Variants in TDRP observed in about 807,000 individuals in gnomAD.
TDRP encodes the protein testis development-related protein.
TDRP carries 12 observed loss-of-function variants against 10.5 expected under a neutral mutation model. The ratio of observed to expected loss-of-function variants is 1.15; its 90% CI spans 0.73 to 1.86. The LOEUF (loss-of-function observed/expected upper bound fraction) is 1.86, where lower values mean the gene tolerates loss of function less well. Among genes scored for constraint, TDRP ranks in the 40% most tolerant of loss-of-function variants. The pLI is 0.00. For synonymous variants in TDRP, 139 were observed against 95.4 expected (o/e 1.46, Z -2.67); for missense variants, 353 against 229.2 (o/e 1.54, Z -3.49).
At chr8:508,144 AAGAG>A (rs560644994) in intron 1 of TDRP, among the ~76,000 whole-genome samples, 1 of 152,342 alleles carries the variant, frequency 6.6e-6, no homozygotes, top group South Asian at 2.1e-4. Flanking sequence ...TGTTGCATCA[AAGAG>A]AGAATGCCAG....
chr8:544,768 G>C lies in TDRP; in HGVS notation c.-11C>G. ...GCCCAGCTTCCACATGGTCAGGCGG[G>C]CTCCGGCGTCCCTCCGTCCGTGCGT... On this transcript the variant is annotated 5_prime_UTR_variant, in exon 1 of 3. Transcript: ENST00000324079. 8.1e-7 allele frequency: 1 copy of C among 1,233,022 alleles called. No individual in the cohort carries two copies. Among genetic ancestry groups the C allele is most frequent in the Non-Finnish European group, 1.0e-6 (1 of 986,342 alleles). The allele number at this position is 1,233,022 out of a possible 1,614,324, so 76.4% of individuals were successfully genotyped here.
At chr8:543,039 G>A (rs983246247) in intron 1 of TDRP, among the ~76,000 whole-genome samples, 2 of 152,156 alleles carry the variant, frequency 1.3e-5, no homozygotes, top group Admixed American at 6.5e-5. Context: ...CAGGCGTGGT[G>A]ACTCACGCCT....
chr8:500,413 C>G (rs960040336), intron 1 of TDRP, among the ~76,000 whole-genome samples: 1 of 152,182 alleles, frequency 6.6e-6, no homozygotes, highest in South Asian at 2.1e-4. Flanking sequence ...CGTCCAGATC[C>G]TGTCCATGAG....
intron 1 of TDRP, among the ~76,000 whole-genome samples, chr8:524,696 G>T (rs546340700): frequency 6.6e-6 from 1 of 152,144 alleles, no homozygotes; most frequent in Non-Finnish European, 1.5e-5. Flanking sequence ...CTCAAAAGTA[G>T]AATTGATGAG....
At chr8:510,716 CT>C (rs1429887197) in intron 1 of TDRP, among the ~76,000 whole-genome samples, 1 of 152,216 alleles carries the variant, frequency 6.6e-6, no homozygotes, top group East Asian at 1.9e-4. Context: ...GCAAACCCAC[CT>C]TATGAGAAAC....
At chr8:527,793 C>T (rs1295213259) in intron 1 of TDRP, among the ~76,000 whole-genome samples, 1 of 152,072 alleles carries the variant, frequency 6.6e-6, no homozygotes, top group Admixed American at 6.6e-5. Context: ...AATCTAAGAC[C>T]TCACACTACG....
intron 1 of TDRP, among the ~76,000 whole-genome samples, chr8:538,483 G>A (rs1802409763): frequency 6.6e-6 from 1 of 152,168 alleles, no homozygotes. Flanking sequence ...CAGGGGCTAA[G>A]CACCGCCTCA....
rs1171733940 is a variant in TDRP, at chr8:490,260, A to G, written c.*2139T>C. 1.3e-5 allele frequency: 2 copies of G among 152,262 alleles called. No homozygotes were observed. The highest frequency in any genetic ancestry group is 2.4e-5 in the African/African-American group (1 of 41,472). The allele number at this position is 152,262 out of a possible 1,614,324, so 9.4% of individuals were successfully genotyped here. A position where few individuals can be genotyped will look rare whatever the true frequency, so the allele number is the denominator to read the frequency against. On this transcript the variant is annotated 3_prime_UTR_variant, in exon 3 of 3. Transcript: ENST00000324079. ...AGTTAATTTAATCAGGCACAGAAGAAAAAATCATTTTTACATTAGTCTTTG... is the reference window on the plus strand; with the variant it reads ...AGTTAATTTAATCAGGCACAGAAGAGAAAATCATTTTTACATTAGTCTTTG...
rs890928038 is a variant in TDRP, at chr8:543,972, GC to G, written c.108+677del. On this transcript the variant is annotated intron_variant, in intron 1 of 2. Coordinates refer to ENST00000324079, the MANE Select transcript of TDRP (RefSeq NM_001384899.1). ...GGAGGGCACGTCTAAGGCACACAGG[GC>G]CCACCTGGGAGCCCTTTCAATTACA... Among the ~76,000 whole-genome samples the G allele has an allele frequency of 3.6e-3, 545 of 151,860 alleles. 5 individuals carry two copies. The highest frequency in any genetic ancestry group is 5.4e-3 in the Non-Finnish European group (364 of 67,938).
Position 491,259 on chromosome 8 carries a change from G to T in TDRP, c.*1140C>A, listed in dbSNP as rs142219802. The stretch of plus-strand genomic sequence containing the variant: ...GTGAGGGGAATGCACAGTGTAACTG[G>T]AGGTTTTATTTTACTTTTAAACAAA... On this transcript the variant is annotated 3_prime_UTR_variant, in exon 3 of 3. Transcript: ENST00000324079. 609 of 180,790 alleles carry T rather than the reference G, an allele frequency of 3.4e-3. 4 individuals carry two copies. Among genetic ancestry groups the T allele is most frequent in the Non-Finnish European group, 5.1e-3 (447 of 87,334 alleles). The allele number at this position is 180,790 out of a possible 1,614,324, so 11.2% of individuals were successfully genotyped here.
chr8:501,959 G>A lies in TDRP; in HGVS notation c.109-7362C>T, dbSNP rs140589592. On this transcript the variant is annotated intron_variant, in intron 1 of 2. Transcript: ENST00000324079. The stretch of plus-strand genomic sequence containing the variant: ...GAACAGTTCTGGACAAAGGCTTAGC[G>A]CTGGCATTCAGTGTCTTAAAGCTGT... 2.2e-4 allele frequency among the ~76,000 whole-genome samples: 33 copies of A among 152,334 alleles called. No homozygotes were observed. In the East Asian group the frequency reaches 4.1e-3, roughly 19 times the overall value.
rs751757466 is a variant in TDRP at position 492,671 on chromosome 8, G to C, written c.286C>G (p.Gln96Glu). 1.9e-6 allele frequency: 3 copies of C among 1,613,784 alleles called. No homozygotes were observed. Among genetic ancestry groups the C allele is most frequent in the South Asian group, 1.1e-5 (1 of 91,022 alleles). Residue 96 changes from glutamine to glutamate, a missense_variant, in exon 3 of 3, where the codon CAG becomes GAG. Coordinates refer to ENST00000324079, the MANE Select transcript of TDRP (RefSeq NM_001384899.1). ...SGFWDNLVLK[Q>E]NIQSKKPDEI... ...TCTGGTTTTTTAGACTGTATATTCT[G>C]TTTTAAAACCAAATTGTCCCAAAAT...
chr8:531,597 C>T (rs574541638), intron 1 of TDRP, among the ~76,000 whole-genome samples: 36 of 152,264 alleles, frequency 2.4e-4, no homozygotes, highest in Non-Finnish European at 4.7e-4. Context: ...AATGAAAAGG[C>T]GTAAGGATGC....
chr8:525,643 A>G (rs1802016013), intron 1 of TDRP, among the ~76,000 whole-genome samples: 1 of 152,192 alleles, frequency 6.6e-6, no homozygotes, highest in Admixed American at 6.5e-5. Flanking sequence ...AATGGGTTAT[A>G]TTATTTGCAA....
rs544655827 is a variant in TDRP at position 500,944 on chromosome 8, C to A, written c.109-6347G>T. 3.0e-3 allele frequency among the ~76,000 whole-genome samples: 464 copies of A among 152,350 alleles called. 1 individual carries two copies. The highest frequency in any genetic ancestry group is 0.011 in the African/African-American group (438 of 41,586). ...TGAGCAGGCCGGGCGCGGTGTCTCA[C>A]ACCTGTAATCCCAGCACTCTGGGAG... On this transcript the variant is annotated intron_variant, in intron 1 of 2. Coordinates refer to ENST00000324079, the MANE Select transcript of TDRP (RefSeq NM_001384899.1).
At chr8:526,184 G>C (rs1317847206) in intron 1 of TDRP, among the ~76,000 whole-genome samples, 1 of 152,108 alleles carries the variant, frequency 6.6e-6, no homozygotes, top group Non-Finnish European at 1.5e-5. Flanking sequence ...TTTTAGTAGA[G>C]ACAGGGTTTC....
intron 1 of TDRP, among the ~76,000 whole-genome samples, chr8:537,627 G>A (rs534650757): frequency 1.3e-4 from 20 of 152,276 alleles, no homozygotes; most frequent in African/African-American, 4.6e-4. Context: ...GTCTTCATTG[G>A]TCTTGTAAAC....
At chr8:510,159 G>A (rs569969300) in intron 1 of TDRP, among the ~76,000 whole-genome samples, 1 of 152,334 alleles carries the variant, frequency 6.6e-6, no homozygotes, top group East Asian at 1.9e-4. Flanking sequence ...AGTTGTGACT[G>A]GGGTTTAAAT....
In TDRP at chr8:492,229, G is replaced by A. The variant is rs1374445478; in HGVS notation, c.*170C>T. ...TACAATCCCTGCACGTGTTCACCAA[G>A]GAGTCACAGTGTGTGTGAGAGTTCA... On this transcript the variant is annotated 3_prime_UTR_variant, in exon 3 of 3. Transcript: ENST00000324079. 7.8e-7 allele frequency: 1 copy of A among 1,287,132 alleles called. No homozygotes were observed. Among genetic ancestry groups the A allele is most frequent in the Admixed American group, 3.7e-5 (1 of 26,918 alleles). 79.7% of individuals were successfully genotyped at this position (1,287,132 alleles called of 1,614,324 possible). A position where few individuals can be genotyped will look rare whatever the true frequency, so the allele number is the denominator to read the frequency against.
Sources: gnomAD v4.1 joint callset for allele counts (sites outside exome capture counted in the v4.1 genomes callset) on GRCh38, gnomAD v4.1.1 for gene constraint, MANE v1.5 for transcripts, NCBI Gene and HGNC (gene_info 2026-07-23, HGNC 2026-07-21) for gene names.